SGCD: variants seen among roughly 807,000 people sequenced by gnomAD.
The protein encoded by SGCD is delta-sarcoglycan.
In SGCD, 18 loss-of-function variants were observed where a neutral mutation model predicts 36.6. The ratio of observed to expected loss-of-function variants is 0.49; its 90% CI spans 0.34 to 0.73. The LOEUF (loss-of-function observed/expected upper bound fraction) is 0.73, where lower values mean the gene tolerates loss of function less well. Among genes scored for constraint, SGCD ranks in the 30% least tolerant of loss-of-function variants. The pLI is 0.01. For missense variants in SGCD, 387 were observed against 346.7 expected (o/e 1.12, Z -0.92); for synonymous variants, 133 against 130.6 (o/e 1.02, Z -0.12).
Position 156,230,934 on chromosome 5 carries a change from T to C in SGCD, c.-43-98600T>C, listed in dbSNP as rs78812635. Reference sequence around the variant, plus strand: ...GTATTCTTAATTATCATACAAGACATTTGGATATCCAAAGACTGCCTAAAG... The same window carrying C: ...GTATTCTTAATTATCATACAAGACACTTGGATATCCAAAGACTGCCTAAAG... On this transcript the variant is annotated intron_variant, in intron 3 of 9. Transcript: ENST00000517913. Among the ~76,000 whole-genome samples the C allele has an allele frequency of 5.8e-3, 889 of 152,272 alleles. 10 individuals are homozygous for C. The highest frequency in any genetic ancestry group is 0.021 in the African/African-American group (858 of 41,554).
At chr5:156,132,238 T>A (rs945142240) in intron 3 of SGCD, among the ~76,000 whole-genome samples, 1 of 151,818 alleles carries the variant, frequency 6.6e-6, no homozygotes, top group Non-Finnish European at 1.5e-5. Context: ...GAGGGGTGTG[T>A]TTGTGTGTGT....
chr5:156,457,243 A>G (rs1239157410), intron 3 of SGCD, among the ~76,000 whole-genome samples: 2 of 152,190 alleles, frequency 1.3e-5, no homozygotes, highest in Non-Finnish European at 2.9e-5. Context: ...TTTTTTAAAA[A>G]CTTGCTTTCA....
intron 2 of SGCD, among the ~76,000 whole-genome samples, chr5:156,340,660 T>C (rs1431638951): frequency 6.6e-6 from 1 of 152,218 alleles, no homozygotes; most frequent in Non-Finnish European, 1.5e-5. Flanking sequence ...AAAAATGTTA[T>C]AAAATTGTAT....
chr5:156,242,577 CT>C (rs1481752784), intron 3 of SGCD, among the ~76,000 whole-genome samples: 1 of 152,120 alleles, frequency 6.6e-6, no homozygotes, highest in Admixed American at 6.5e-5. Flanking sequence ...TAAGATGTTT[CT>C]TTGTGGGGAA....
At chr5:156,275,603 C>A (rs1581212108) in intron 3 of SGCD, among the ~76,000 whole-genome samples, 1 of 152,150 alleles carries the variant, frequency 6.6e-6, no homozygotes, top group Non-Finnish European at 1.5e-5. Flanking sequence ...CCAAAGACCT[C>A]ATTTCCTCAT....
At chr5:156,083,891 A>G (rs1390765703) in intron 1 of SGCD, among the ~76,000 whole-genome samples, 2 of 151,792 alleles carry the variant, frequency 1.3e-5, no homozygotes, top group Non-Finnish European at 2.9e-5. Flanking sequence ...CAGTACCTTT[A>G]TCACAAATCA....
chr5:156,131,100 A>G (rs898391742), intron 3 of SGCD, among the ~76,000 whole-genome samples: 1 of 152,224 alleles, frequency 6.6e-6, no homozygotes, highest in Non-Finnish European at 1.5e-5. Context: ...GCCCTCAAGG[A>G]TCATTGCTTT....
At chr5:155,968,632 G>A (rs1311886975) in intron 1 of SGCD, among the ~76,000 whole-genome samples, 1 of 152,100 alleles carries the variant, frequency 6.6e-6, no homozygotes, top group Admixed American at 6.6e-5. Context: ...ATAACATAGT[G>A]TATATAGAGT....
At chr5:156,219,578 G>T (rs184072228) in intron 3 of SGCD, among the ~76,000 whole-genome samples, 1 of 152,176 alleles carries the variant, frequency 6.6e-6, no homozygotes, top group East Asian at 1.9e-4. Context: ...GTTAAAATGA[G>T]ACCTTGTGAT....
At chr5:156,333,803 T>C (rs1768191006) in intron 2 of SGCD, among the ~76,000 whole-genome samples, 3 of 134,006 alleles carry the variant, frequency 2.2e-5, no homozygotes, top group Admixed American at 1.5e-4. Flanking sequence ...TTTTTTTTTT[T>C]TTTTTTTTTT....
At chr5:156,193,377 C>T (rs1763940472) in intron 3 of SGCD, among the ~76,000 whole-genome samples, 1 of 152,084 alleles carries the variant, frequency 6.6e-6, no homozygotes, top group South Asian at 2.1e-4. Flanking sequence ...TTCTTTTGTG[C>T]AAGTTTCTTT....
intron 1 of SGCD, among the ~76,000 whole-genome samples, chr5:155,929,400 A>G (rs763043353): frequency 6.6e-6 from 1 of 152,178 alleles, no homozygotes; most frequent in Non-Finnish European, 1.5e-5. Context: ...TTCTTTCTAT[A>G]TCTCCCATAT....
chr5:156,572,447 T>A (rs1467465535), intron 4 of SGCD, among the ~76,000 whole-genome samples: 1 of 152,172 alleles, frequency 6.6e-6, no homozygotes, highest in African/African-American at 2.4e-5. Flanking sequence ...ATTATTCTAG[T>A]GGGTGTGAAG....
chr5:155,979,865 G>C (rs944056336), intron 1 of SGCD, among the ~76,000 whole-genome samples: 1 of 152,192 alleles, frequency 6.6e-6, no homozygotes, highest in Non-Finnish European at 1.5e-5. Context: ...ATGATGGTAT[G>C]TTCTGAACTT....
chr5:155,842,798 GAT>G, the SGCD span, among the ~76,000 whole-genome samples: 1 of 130,932 alleles, frequency 7.6e-6, no homozygotes, highest in African/African-American at 2.9e-5. Context: ...TCAGTTTTGA[GAT>G]AACTGAAAAT....
At chr5:156,470,114 T>C (rs1254016806) in intron 3 of SGCD, among the ~76,000 whole-genome samples, 1 of 152,248 alleles carries the variant, frequency 6.6e-6, no homozygotes, top group Non-Finnish European at 1.5e-5. Context: ...ACTTGTATGG[T>C]AAAACAGCCT....
intron 7 of SGCD, among the ~76,000 whole-genome samples, chr5:156,754,300 C>A (rs551122439): frequency 6.2e-4 from 94 of 152,314 alleles, no homozygotes; most frequent in Middle Eastern, 3.4e-3. Context: ...CTTTCTTTTT[C>A]ACCAAACTAT....
chr5:155,894,027 C>T (rs1458637469), intron 1 of SGCD, among the ~76,000 whole-genome samples: 3 of 152,098 alleles, frequency 2.0e-5, no homozygotes, highest in Non-Finnish European at 4.4e-5. Context: ...GTATAAGGCA[C>T]TTATCATGAA....
the SGCD span, among the ~76,000 whole-genome samples, chr5:155,764,868 C>T: frequency 1.3e-5 from 2 of 152,128 alleles, no homozygotes; most frequent in East Asian, 1.9e-4. Flanking sequence ...GCAGCAAAAA[C>T]AATAAATACC....
Sources: gnomAD v4.1 joint callset for allele counts (sites outside exome capture counted in the v4.1 genomes callset) on GRCh38, gnomAD v4.1.1 for gene constraint, MANE v1.5 for transcripts, NCBI Gene and HGNC (gene_info 2026-07-23, HGNC 2026-07-21) for gene names.